The following MAP4K3 variants were observed in gnomAD, a reference collection of about 807,000 sequenced individuals.
The protein encoded by MAP4K3 is mitogen-activated protein kinase kinase kinase kinase 3.
MAP4K3 carries 94 observed loss-of-function variants against 143.5 expected under a neutral mutation model. The ratio of observed to expected loss-of-function variants is 0.65; its 90% confidence interval spans 0.55 to 0.78. The LOEUF (loss-of-function observed/expected upper bound fraction) is 0.78. Ranked by LOEUF, MAP4K3 falls within the 30% of genes least tolerant of loss-of-function variation. The pLI, the probability that MAP4K3 is intolerant of heterozygous loss-of-function variation, is 0.00. For missense variants in MAP4K3, 1,077 were observed against 1,068.1 expected (o/e 1.01, Z -0.12); for synonymous variants, 416 against 347.2 (o/e 1.20, Z -2.20).
intron 3 of MAP4K3, among the ~76,000 whole-genome samples, chr2:39,345,560 A>C (rs1257164041): frequency 6.6e-6 from 1 of 152,184 alleles, no homozygotes; most frequent in Non-Finnish European, 1.5e-5. Context: ...ACAAGCTATC[A>C]GAGCGCAAAG....
intron 3 of MAP4K3, among the ~76,000 whole-genome samples, chr2:39,344,962 T>C (rs910542988): frequency 3.9e-5 from 6 of 152,186 alleles, no homozygotes; most frequent in African/African-American, 1.2e-4. Context: ...TACTAGCTTC[T>C]CAGTTTAGTT....
chr2:39,325,653 A>T, intron 11 of MAP4K3, 25 bp from the exon 12 acceptor site: 1 of 1,579,826 alleles, frequency 6.3e-7, no homozygotes, highest in Admixed American at 1.7e-5. Context: ...TACAATGCAG[A>T]ACACTTACTA....
intron 13 of MAP4K3, among the ~76,000 whole-genome samples, chr2:39,314,529 G>T (rs544401238): frequency 5.3e-5 from 8 of 152,158 alleles, no homozygotes; most frequent in Non-Finnish European, 1.0e-4. Flanking sequence ...ACTAACTGCT[G>T]GCAAGCAAAG....
chr2:39,384,349 C>T (rs186372745), intron 1 of MAP4K3, among the ~76,000 whole-genome samples: 13 of 152,274 alleles, frequency 8.5e-5, no homozygotes, highest in South Asian at 2.1e-4. Context: ...AGTTCAAGAC[C>T]AGCCTGACCA....
intron 1 of MAP4K3, among the ~76,000 whole-genome samples, chr2:39,384,447 G>A (rs1400718051): frequency 1.3e-5 from 2 of 152,226 alleles, no homozygotes; most frequent in Non-Finnish European, 2.9e-5. Flanking sequence ...TCGAGAGGCT[G>A]GGACAGGAGA....
intron 1 of MAP4K3, among the ~76,000 whole-genome samples, chr2:39,407,846 G>A (rs1038372377): frequency 6.6e-6 from 1 of 152,094 alleles, no homozygotes; most frequent in Non-Finnish European, 1.5e-5. Flanking sequence ...AAAGTGCTGG[G>A]AGTGCAGGTG....
At chr2:39,272,067 T>A (rs1308516712) in intron 26 of MAP4K3, 1 of 380,688 alleles carries the variant, frequency 2.6e-6, no homozygotes, top group Non-Finnish European at 4.6e-6. Context: ...GAATAAAAAA[T>A]TCAGAGAGAA....
In MAP4K3 at chr2:39,386,680, C is replaced by T. The variant is rs115624836; in HGVS notation, c.97-8557G>A. 2.4e-3 allele frequency among the ~76,000 whole-genome samples: 372 copies of T among 152,194 alleles called. 3 individuals are homozygous for T. The highest frequency in any genetic ancestry group is 8.7e-3 in the African/African-American group (361 of 41,520). On this transcript the variant is annotated intron_variant, in intron 1 of 33. Transcript: ENST00000263881. ...ATTTTCCTTTCATTGAACTGACTTC[C>T]ACCTTTGTCAAAAATGAATTGGCTA...
At chr2:39,363,280 A>C (rs975948707) in intron 2 of MAP4K3, among the ~76,000 whole-genome samples, 3 of 152,248 alleles carry the variant, frequency 2.0e-5, no homozygotes, top group African/African-American at 7.2e-5. Flanking sequence ...ATGGAATGTA[A>C]GAAAATATTT....
At chr2:39,254,650 G>T in intron 31 of MAP4K3, 130 bp from the exon 32 acceptor site, 1 of 621,396 alleles carries the variant, frequency 1.6e-6, no homozygotes, top group Admixed American at 2.5e-5. Context: ...ATATTTATAT[G>T]GCATCTTTAC....
At chr2:39,410,322 C>T (rs1436274361) in intron 1 of MAP4K3, among the ~76,000 whole-genome samples, 2 of 152,186 alleles carry the variant, frequency 1.3e-5, no homozygotes, top group African/African-American at 4.8e-5. Flanking sequence ...TCCCTGTATT[C>T]ACGCAACATC....
At chr2:39,340,498 G>A (rs1301928403) in intron 4 of MAP4K3, among the ~76,000 whole-genome samples, 1 of 152,106 alleles carries the variant, frequency 6.6e-6, no homozygotes, top group Non-Finnish European at 1.5e-5. Flanking sequence ...AATCAGTATT[G>A]ACGAATTCAT....
In MAP4K3 at chr2:39,437,171, C is replaced by T. The variant is rs1453274902; in HGVS notation, c.-184G>A. On this transcript the variant is annotated 5_prime_UTR_variant, in exon 1 of 34. Transcript: ENST00000263881. ...TCACGCCGCTGCGGACGACGACAAG[C>T]GGCCAATCGTCCCCGCCCCCCGCGG... 5.2e-6 allele frequency: 2 copies of T among 386,592 alleles called. No individual in the cohort carries two copies. The highest frequency in any genetic ancestry group is 2.1e-5 in the African/African-American group (1 of 46,812). 23.9% of individuals were successfully genotyped at this position (386,592 alleles called of 1,614,324 possible). A position where few individuals can be genotyped will look rare whatever the true frequency, so the allele number is the denominator to read the frequency against.
chr2:39,293,358 C>A, intron 16 of MAP4K3, 90 bp from the exon 17 acceptor site: 4 of 868,160 alleles, frequency 4.6e-6, no homozygotes, highest in Non-Finnish European at 7.1e-6. Context: ...CTTAACCATA[C>A]ATTTTTTGAA....
intron 1 of MAP4K3, among the ~76,000 whole-genome samples, chr2:39,424,469 A>G (rs950390961): frequency 1.1e-4 from 17 of 152,072 alleles, no homozygotes; most frequent in Admixed American, 1.0e-3. Context: ...ATTGGAACGG[A>G]GACCCCCGAA....
intron 26 of MAP4K3, among the ~76,000 whole-genome samples, chr2:39,270,983 TA>T (rs1009393205): frequency 2.6e-5 from 4 of 151,996 alleles, no homozygotes; most frequent in Non-Finnish European, 5.9e-5. Flanking sequence ...AAAGATTGAC[TA>T]TAATAAAATT....
At chr2:39,360,854 C>T (rs1177792256) in intron 2 of MAP4K3, among the ~76,000 whole-genome samples, 2 of 152,162 alleles carry the variant, frequency 1.3e-5, no homozygotes, top group Admixed American at 1.3e-4. Context: ...TTACCTCCCA[C>T]AAAGTCCCTC....
intron 1 of MAP4K3, among the ~76,000 whole-genome samples, chr2:39,405,673 G>C (rs1286352108): frequency 6.6e-6 from 1 of 152,154 alleles, no homozygotes; most frequent in East Asian, 1.9e-4. Flanking sequence ...TTCAAGACCA[G>C]CTTGGGCAAC....
chr2:39,375,599 T>A (rs1019967355), intron 2 of MAP4K3, among the ~76,000 whole-genome samples: 1 of 152,230 alleles, frequency 6.6e-6, no homozygotes, highest in Non-Finnish European at 1.5e-5. Flanking sequence ...ATGGTTGTAG[T>A]TACGTATCTT....
Sources: allele counts gnomAD v4.1 joint callset (sites outside exome capture counted in the v4.1 genomes callset), GRCh38; gene constraint gnomAD v4.1.1; transcripts MANE v1.5; gene names NCBI Gene and HGNC (gene_info 2026-07-23, HGNC 2026-07-21).